The following CENATAC variants were observed in gnomAD, a reference collection of about 807,000 sequenced individuals.
CENATAC encodes the protein coiled-coil domain containing 84.
A neutral mutation model predicts 53.7 loss-of-function variants in CENATAC; 53 were observed. The observed-to-expected ratio is 0.99, with a 90% CI of 0.79 to 1.24. CENATAC has a LOEUF of 1.24. CENATAC is among the 50% of genes most tolerant of loss of function. The pLI is 0.00. For missense variants in CENATAC, 474 were observed against 417.8 expected (o/e 1.13, Z -1.17); for synonymous variants, 156 against 144.6 (o/e 1.08, Z -0.57).
At chr11:119,006,831 C>G (rs959016880) in intron 3 of CENATAC, among the ~76,000 whole-genome samples, 4 of 152,362 alleles carry the variant, frequency 2.6e-5, no homozygotes, top group African/African-American at 9.6e-5. Context: ...TTCCCCCATG[C>G]TGTTCTCATG....
chr11:119,002,664 T>C (rs1054129049), intron 3 of CENATAC, among the ~76,000 whole-genome samples: 1 of 132,404 alleles, frequency 7.6e-6, no homozygotes, highest in Non-Finnish European at 1.6e-5. Flanking sequence ...ATGTATACTT[T>C]TAAAAATAAG....
chr11:119,009,824 C>T (rs1335106134), intron 3 of CENATAC: 1 of 152,176 alleles, frequency 6.6e-6, no homozygotes, highest in Non-Finnish European at 1.5e-5. Flanking sequence ...GGAATGGAGG[C>T]ATTTGAATAG....
Position 118,998,185 on chromosome 11 carries a change from G to GGGT in CENATAC, c.-12_-10dup. On this transcript the variant is annotated 5_prime_UTR_variant, in exon 1 of 11. Coordinates refer to ENST00000334418, the MANE Select transcript of CENATAC (RefSeq NM_198489.3). ...ATCGGCCGCTGGTGGTGGTGATACC[G>GGGT]GGTACCCGGGCTATGGCGCCGGCGC... The GGGT allele has an allele frequency of 6.4e-7, 1 of 1,574,568 alleles. No individual in the cohort carries two copies. The highest frequency in any genetic ancestry group is 8.6e-7 in the Non-Finnish European group (1 of 1,162,602).
At chr11:119,012,905 A>G in intron 7 of CENATAC, 1 of 272,214 alleles carries the variant, frequency 3.7e-6, no homozygotes, top group Non-Finnish European at 6.8e-6. Flanking sequence ...GTAAAGTTGC[A>G]AATGTAATTT....
chr11:119,000,254 T>C (rs782505829), intron 3 of CENATAC, among the ~76,000 whole-genome samples: 1 of 152,178 alleles, frequency 6.6e-6, no homozygotes, highest in Non-Finnish European at 1.5e-5. Flanking sequence ...TCGCTTTAAG[T>C]TGTCATGTAA....
rs1943128687 is a variant in CENATAC, at chr11:119,015,602, T to C, written c.*4T>C. 6.2e-7 allele frequency: 1 copy of C among 1,613,888 alleles called. No individual in the cohort carries two copies. The highest frequency in any genetic ancestry group is 8.5e-7 in the Non-Finnish European group (1 of 1,179,956). The stretch of plus-strand genomic sequence containing the variant: ...GTCACATACAGAAAAAAGCTAATCA[T>C]GCTCTCTACCAACTACCATGAGGCT... On this transcript the variant is annotated 3_prime_UTR_variant, in exon 11 of 11. Transcript: ENST00000334418.
At chr11:119,002,341 GA>G (rs1397097601) in intron 3 of CENATAC, among the ~76,000 whole-genome samples, 6 of 136,472 alleles carry the variant, frequency 4.4e-5, no homozygotes, top group African/African-American at 1.7e-4. Flanking sequence ...ATAGAAAAAA[GA>G]TTTTTTTTTT....
At chr11:119,000,926 A>G (rs905335731) in intron 3 of CENATAC, among the ~76,000 whole-genome samples, 2 of 151,998 alleles carry the variant, frequency 1.3e-5, no homozygotes, top group African/African-American at 4.8e-5. Context: ...GTCAATGTGC[A>G]TGGATTCATT....
intron 4 of CENATAC, 141 bp downstream of exon 4, chr11:119,010,971 C>A: frequency 1.3e-6 from 1 of 745,114 alleles, no homozygotes; most frequent in South Asian, 1.7e-5. Flanking sequence ...ACTAGATTCT[C>A]ATAAGGAGCA....
intron 3 of CENATAC, chr11:119,009,774 A>G (rs1041830724): frequency 6.6e-6 from 1 of 152,216 alleles, no homozygotes; most frequent in Admixed American, 6.5e-5. Context: ...GGGTTTTGAG[A>G]ACCAGGGTTT....
intron 3 of CENATAC, chr11:119,003,077 C>G: frequency 1.9e-6 from 1 of 527,678 alleles, no homozygotes; most frequent in East Asian, 5.2e-5. Flanking sequence ...CGAACATGTT[C>G]CTTCTCTCCA....
At chr11:119,002,832 C>A (rs955810324) in intron 3 of CENATAC, among the ~76,000 whole-genome samples, 6 of 152,002 alleles carry the variant, frequency 3.9e-5, no homozygotes, top group African/African-American at 1.4e-4. Flanking sequence ...GTTGTCCAGG[C>A]TGGAGGGCAG....
chr11:119,015,126 C>T (rs1420257468), intron 9 of CENATAC, 43 bp downstream of exon 9: 5 of 1,542,456 alleles, frequency 3.2e-6, no homozygotes, highest in Non-Finnish European at 4.5e-6. Flanking sequence ...AATCTTCACA[C>T]TCAAAAATGG....
In CENATAC at chr11:119,015,355, A is replaced by C; in HGVS notation, c.854A>C (p.Asn285Thr). The C allele has an allele frequency of 1.2e-6, 2 of 1,614,192 alleles. No homozygotes were observed. The highest frequency in any genetic ancestry group is 8.5e-7 in the Non-Finnish European group (1 of 1,180,014). Residue 285 changes from asparagine (N) to threonine (T), a missense_variant, in exon 10 of 11, where the codon AAC becomes ACC. Physicochemically the swap from Asn to Thr is moderately conservative, Grantham distance 65. Coordinates refer to ENST00000334418, the MANE Select transcript of CENATAC (RefSeq NM_198489.3). Reference sequence around the variant, plus strand: ...CTCCCCCCAGACCGAGTTGGGGCCAACTTTGATCACAGCTCCAGGACCAGT... The same window carrying C: ...CTCCCCCCAGACCGAGTTGGGGCCACCTTTGATCACAGCTCCAGGACCAGT... ...KKLPPDRVGA[N>T]FDHSSRTSAG...
intron 4 of CENATAC, 159 bp from the exon 5 acceptor site, chr11:119,011,062 A>G (rs1942845667): frequency 1.5e-6 from 1 of 666,110 alleles, no homozygotes; most frequent in Non-Finnish European, 2.6e-6. Flanking sequence ...CTGATCTGAC[A>G]GGAGCTCAGG....
chr11:119,011,520 C>A (rs991949910), intron 5 of CENATAC, among the ~76,000 whole-genome samples: 7 of 152,140 alleles, frequency 4.6e-5, no homozygotes, highest in Admixed American at 4.6e-4. Context: ...GCTGGGATTA[C>A]AGGTGCCGCC....
chr11:119,003,355 G>A (rs918681641), intron 3 of CENATAC: 28 of 532,922 alleles, frequency 5.3e-5, no homozygotes, highest in Admixed American at 4.9e-4. Context: ...TTTTGTGGCT[G>A]TGGACACCTT....
chr11:119,008,704 G>A (rs941400272), intron 3 of CENATAC, among the ~76,000 whole-genome samples: 87 of 152,016 alleles, frequency 5.7e-4, no homozygotes, highest in Admixed American at 5.5e-3. Flanking sequence ...CTGGGAGACA[G>A]TCAGGTCTTT....
chr11:119,008,799 G>A (rs1230025178), intron 3 of CENATAC, among the ~76,000 whole-genome samples: 1 of 152,150 alleles, frequency 6.6e-6, no homozygotes, highest in African/African-American at 2.4e-5. Context: ...AGGTCCCTGC[G>A]GCTTTCCACA....
Sources: allele counts gnomAD v4.1 joint callset (sites outside exome capture counted in the v4.1 genomes callset), GRCh38; gene constraint gnomAD v4.1.1; transcripts MANE v1.5; gene names NCBI Gene and HGNC (gene_info 2026-07-23, HGNC 2026-07-21).